The following NUGGC variants were observed in gnomAD, a reference collection of about 807,000 sequenced individuals.
NUGGC encodes the protein nuclear GTPase, germinal center associated.
NUGGC carries 58 observed loss-of-function variants against 92.6 expected under a neutral mutation model. The observed-to-expected ratio is 0.63, with a 90% CI of 0.51 to 0.78. NUGGC has a LOEUF of 0.78. Ranked by LOEUF, NUGGC falls within the 30% of genes least tolerant of loss-of-function variation. The pLI is 0.00. For missense variants in NUGGC, 925 were observed against 964.6 expected, an observed-to-expected ratio of 0.96 and a Z score of 0.54; for synonymous variants, 376 against 366.4, an observed-to-expected ratio of 1.03 and a Z score of -0.30.
At chr8:28,081,819 A>C (rs1295373757) in intron 1 of NUGGC, among the ~76,000 whole-genome samples, 1 of 151,772 alleles carries the variant, frequency 6.6e-6, no homozygotes, top group Non-Finnish European at 1.5e-5. Context: ...CGGAGGTTGC[A>C]GTGAGCTGAG....
intron 2 of NUGGC, among the ~76,000 whole-genome samples, chr8:28,073,809 T>C (rs892796189): frequency 1.3e-5 from 2 of 152,076 alleles, no homozygotes; most frequent in African/African-American, 4.8e-5. Context: ...TGGAACATTA[T>C]TATTATTGAG....
chr8:28,059,179 A>G (rs1263515902), intron 8 of NUGGC, among the ~76,000 whole-genome samples: 9 of 152,076 alleles, frequency 5.9e-5, no homozygotes, highest in Non-Finnish European at 1.3e-4. Context: ...GTGGGTGTGG[A>G]GGAAATGGTG....
chr8:28,079,476 G>A lies in NUGGC; in HGVS notation c.-47+4299C>T, dbSNP rs549853705. 5.3e-5 allele frequency among the ~76,000 whole-genome samples: 8 copies of A among 152,232 alleles called. No individual in the cohort carries two copies. In the South Asian group the frequency reaches 1.5e-3, roughly 28 times the overall value. ...AATTGCTTGAACCCAGGAAGTGGAGGTTGCAGTGAGCCGAGATCACGCCAC... is the reference window on the plus strand; with the variant it reads ...AATTGCTTGAACCCAGGAAGTGGAGATTGCAGTGAGCCGAGATCACGCCAC... On this transcript the variant is annotated intron_variant, in intron 1 of 18. Transcript: ENST00000413272.
intron 1 of NUGGC, among the ~76,000 whole-genome samples, chr8:28,078,407 C>G (rs1406183687): frequency 6.6e-6 from 1 of 152,154 alleles, no homozygotes; most frequent in African/African-American, 2.4e-5. Context: ...TAGTTTGGTA[C>G]AGACATTCAG....
At chr8:28,059,552 G>A (rs1810239486) in intron 8 of NUGGC, among the ~76,000 whole-genome samples, 1 of 152,108 alleles carries the variant, frequency 6.6e-6, no homozygotes, top group Non-Finnish European at 1.5e-5. Context: ...TCTCTGGCTG[G>A]GGATGCTGGG....
At chr8:28,067,492 G>GA in intron 6 of NUGGC, 22 bp downstream of exon 6, 2 of 1,533,218 alleles carry the variant, frequency 1.3e-6, no homozygotes, top group Non-Finnish European at 1.8e-6. Context: ...TGAAATCAAG[G>GA]AAAAAACGAA....
chr8:28,053,018 C>T (rs1201709049), intron 10 of NUGGC, among the ~76,000 whole-genome samples: 1 of 151,822 alleles, frequency 6.6e-6, no homozygotes, highest in Non-Finnish European at 1.5e-5. Flanking sequence ...GAGACATCCA[C>T]ATGTAGATGA....
chr8:28,040,482 G>A (rs1184696589), intron 13 of NUGGC, among the ~76,000 whole-genome samples: 1 of 152,120 alleles, frequency 6.6e-6, no homozygotes, highest in Non-Finnish European at 1.5e-5. Context: ...GATGTTTGGT[G>A]GAGCTGGTAC....
At chr8:28,078,818 T>C (rs1285139300) in intron 1 of NUGGC, among the ~76,000 whole-genome samples, 1 of 152,192 alleles carries the variant, frequency 6.6e-6, no homozygotes, top group African/African-American at 2.4e-5. Context: ...TGCAGTCTAT[T>C]TCCCCCCAAA....
At chr8:28,024,014 A>T (rs1809186566) in intron 18 of NUGGC, among the ~76,000 whole-genome samples, 1 of 151,968 alleles carries the variant, frequency 6.6e-6, no homozygotes. Context: ...TTTAACAGGG[A>T]TGCTCCAGTG....
In NUGGC at chr8:28,026,967, A is replaced by AG; in HGVS notation, c.2239dup (p.Leu747ProfsTer7). On this transcript the variant is annotated frameshift_variant, in exon 18 of 19. Coordinates refer to ENST00000413272, the MANE Select transcript of NUGGC (RefSeq NM_001010906.2). LOFTEE classifies it high-confidence loss of function. ...CAAAGCTTTGGCGTATTTACCTGCA[A>AG]GCTCCTTGTAGAGGCCATCCCCCTG... is the stretch of plus-strand genomic sequence containing the variant. The AG allele has an allele frequency of 1.2e-6, 2 of 1,611,192 alleles. No individual in the cohort carries two copies. The highest frequency in any genetic ancestry group is 1.7e-6 in the Non-Finnish European group (2 of 1,177,292).
At chr8:28,058,706 A>ATT (rs35352060) in intron 8 of NUGGC, among the ~76,000 whole-genome samples, 43 of 146,298 alleles carry the variant, frequency 2.9e-4, no homozygotes, top group Admixed American at 1.5e-3. Context: ...AATTATGTTA[A>ATT]TTTTTTTTTT....
intron 13 of NUGGC, among the ~76,000 whole-genome samples, chr8:28,039,487 C>T (rs932183100): frequency 6.6e-6 from 1 of 152,210 alleles, no homozygotes; most frequent in African/African-American, 2.4e-5. Flanking sequence ...CCACCTCAGC[C>T]TCCCAAAGTG....
chr8:28,077,532 A>C (rs1263158920), intron 1 of NUGGC, among the ~76,000 whole-genome samples: 1 of 151,994 alleles, frequency 6.6e-6, no homozygotes, highest in Non-Finnish European at 1.5e-5. Flanking sequence ...GCACCACTGC[A>C]CTCCAGCCTG....
intron 1 of NUGGC, among the ~76,000 whole-genome samples, chr8:28,082,688 T>C (rs1810880288): frequency 1.3e-5 from 2 of 152,142 alleles, no homozygotes; most frequent in Admixed American, 1.3e-4. Flanking sequence ...GGGGATCCCT[T>C]GGGCCCAGGA....
At chr8:28,063,640 A>G (rs1810363950) in intron 7 of NUGGC, among the ~76,000 whole-genome samples, 2 of 152,182 alleles carry the variant, frequency 1.3e-5, no homozygotes, top group South Asian at 4.1e-4. Flanking sequence ...GGTCCTGGAC[A>G]AGTGACTTTC....
At chr8:28,057,077 T>TGG (rs1359269489) in intron 9 of NUGGC, among the ~76,000 whole-genome samples, 1 of 152,146 alleles carries the variant, frequency 6.6e-6, no homozygotes, top group South Asian at 2.1e-4. Context: ...ATACCCTAAA[T>TGG]CTTGAATAAC....
intron 1 of NUGGC, among the ~76,000 whole-genome samples, chr8:28,077,654 C>T (rs752520319): frequency 5.9e-5 from 9 of 152,066 alleles, no homozygotes; most frequent in Non-Finnish European, 1.0e-4. Flanking sequence ...AGGAGTAACT[C>T]GTATGAAATG....
chr8:28,041,756 G>A (rs1280259582), intron 12 of NUGGC, among the ~76,000 whole-genome samples: 1 of 152,180 alleles, frequency 6.6e-6, no homozygotes, highest in Non-Finnish European at 1.5e-5. Flanking sequence ...ACCACACTTT[G>A]CATAGCAAAG....
Sources: gnomAD v4.1 joint callset for allele counts (sites outside exome capture counted in the v4.1 genomes callset) on GRCh38, gnomAD v4.1.1 for gene constraint, MANE v1.5 for transcripts, NCBI Gene and HGNC (gene_info 2026-07-23, HGNC 2026-07-21) for gene names.